C4orf51: variants seen among roughly 807,000 people sequenced by gnomAD.
C4orf51 encodes uncharacterized protein C4orf51.
Under a neutral mutation model 25.2 loss-of-function variants are expected in C4orf51, and 25 were observed. That is an observed-to-expected ratio of 0.99 (90% CI 0.72 to 1.39). The LOEUF (loss-of-function observed/expected upper bound fraction) is 1.39. Ranked by LOEUF, C4orf51 falls within the 40% of genes most tolerant of loss-of-function variation. The pLI, the probability that C4orf51 is intolerant of heterozygous loss-of-function variation, is 0.00. For missense variants in C4orf51, 252 were observed against 239.6 expected (o/e 1.05, Z -0.34); for synonymous variants, 100 against 84.5 (o/e 1.18, Z -1.01).
chr4:145,780,775 GT>G, the C4orf51 span, among the ~76,000 whole-genome samples: 1 of 152,204 alleles, frequency 6.6e-6, no homozygotes, highest in East Asian at 1.9e-4. Context: ...GACACACTAA[GT>G]TAATATCTTG....
intron 2 of C4orf51, among the ~76,000 whole-genome samples, chr4:145,716,426 T>C (rs537589771): frequency 1.4e-4 from 22 of 152,296 alleles, no homozygotes; most frequent in African/African-American, 5.1e-4. Context: ...AGCTCAGAAA[T>C]GGATTCCTTG....
intron 2 of C4orf51, among the ~76,000 whole-genome samples, chr4:145,704,967 C>G (rs1443228103): frequency 1.3e-5 from 2 of 152,186 alleles, no homozygotes; most frequent in Admixed American, 6.5e-5. Flanking sequence ...GCAGTTTGAC[C>G]TTTGGCTTAG....
At chr4:145,713,219 G>A (rs1176163336) in intron 2 of C4orf51, among the ~76,000 whole-genome samples, 2 of 152,166 alleles carry the variant, frequency 1.3e-5, no homozygotes, top group African/African-American at 2.4e-5. Context: ...GAGTAATTTC[G>A]ACTTTCAAGT....
intron 1 of C4orf51, among the ~76,000 whole-genome samples, chr4:145,749,077 ATATATATATG>A (rs1263290719): frequency 2.7e-5 from 4 of 148,634 alleles, no homozygotes; most frequent in Non-Finnish European, 6.0e-5. Context: ...ATATATATAT[ATATATATATG>A]TATATATATT....
At chr4:145,694,353 C>A (rs1205670237) in intron 1 of C4orf51, among the ~76,000 whole-genome samples, 17 of 149,602 alleles carry the variant, frequency 1.1e-4, no homozygotes, top group Admixed American at 3.3e-4. Flanking sequence ...CTCCTCACTG[C>A]CCCGTCCGGG....
chr4:145,773,643 GA>G (rs1736614622), downstream of C4orf51, among the ~76,000 whole-genome samples: 1 of 152,232 alleles, frequency 6.6e-6, no homozygotes, highest in South Asian at 2.1e-4. Flanking sequence ...ATTGCATGGT[GA>G]AGTCAGAATG....
At chr4:145,747,325 G>T (rs1014580075) in intron 1 of C4orf51, among the ~76,000 whole-genome samples, 1 of 150,972 alleles carries the variant, frequency 6.6e-6, no homozygotes, top group African/African-American at 2.4e-5. Flanking sequence ...GATACTAGCT[G>T]TGGATCTGTC....
intron 1 of C4orf51, among the ~76,000 whole-genome samples, chr4:145,747,572 C>T (rs1254494403): frequency 6.6e-6 from 1 of 152,008 alleles, no homozygotes; most frequent in Non-Finnish European, 1.5e-5. Flanking sequence ...GATGAATAAT[C>T]CTTTTAATGT....
At chr4:145,778,534 C>G in the C4orf51 span, among the ~76,000 whole-genome samples, 5 of 152,100 alleles carry the variant, frequency 3.3e-5, no homozygotes, top group Admixed American at 3.3e-4. Context: ...ATCACTTGAA[C>G]CCGGGAGGCA....
chr4:145,737,619 T>C (rs1732874306), downstream of C4orf51, among the ~76,000 whole-genome samples: 2 of 152,160 alleles, frequency 1.3e-5, no homozygotes, highest in African/African-American at 4.8e-5. Flanking sequence ...GAAGATATTT[T>C]GCTCTCTCTC....
chr4:145,769,113 C>T (rs913353490), intron 1 of C4orf51, among the ~76,000 whole-genome samples: 11 of 151,568 alleles, frequency 7.3e-5, no homozygotes, highest in African/African-American at 2.7e-4. Context: ...CCTGTCAGAA[C>T]TGCACTTAGG....
At chr4:145,713,941 C>T (rs1731265236) in intron 2 of C4orf51, among the ~76,000 whole-genome samples, 1 of 152,090 alleles carries the variant, frequency 6.6e-6, no homozygotes, top group Admixed American at 6.5e-5. Flanking sequence ...TGCCACCATG[C>T]CTGGCCAATT....
At chr4:145,775,663 TCAAATGAAGGC>T, downstream of C4orf51, 1 of 1,190,908 alleles carries the variant, frequency 8.4e-7, no homozygotes. Context: ...AAGAAATTAC[TCAAATGAAGGC>T]CAGGCTATGA....
intron 2 of C4orf51, among the ~76,000 whole-genome samples, chr4:145,703,299 T>C (rs1227300784): frequency 2.6e-5 from 4 of 151,956 alleles, no homozygotes; most frequent in Non-Finnish European, 5.9e-5. Flanking sequence ...CTGAGCACCT[T>C]GCGACCCCCA....
intron 1 of C4orf51, among the ~76,000 whole-genome samples, chr4:145,691,788 G>A (rs896716459): frequency 1.7e-4 from 19 of 112,986 alleles, no homozygotes; most frequent in African/African-American, 6.8e-4. Flanking sequence ...AGGGAAGGGA[G>A]CAAGGGTTGA....
At chr4:145,697,723 G>C (rs139604291) in intron 2 of C4orf51, among the ~76,000 whole-genome samples, 54 of 152,244 alleles carry the variant, frequency 3.5e-4, no homozygotes, top group African/African-American at 1.2e-3. Context: ...ATTTTCCATT[G>C]TATTATATAC....
At chr4:145,693,839 G>T (rs1729800034) in intron 1 of C4orf51, among the ~76,000 whole-genome samples, 1 of 107,894 alleles carries the variant, frequency 9.3e-6, no homozygotes, top group Non-Finnish European at 1.9e-5. Context: ...CGGGCGGGGG[G>T]GCTGACCCCC....
Position 145,732,623 on chromosome 4 carries a change from T to TG in C4orf51, c.*67dup, listed in dbSNP as rs1376619682. The TG allele has an allele frequency of 2.6e-6, 3 of 1,172,546 alleles. No homozygotes were observed. The highest frequency in any genetic ancestry group is 3.7e-6 in the Non-Finnish European group (3 of 811,756). 72.6% of individuals were successfully genotyped at this position (1,172,546 alleles called of 1,614,324 possible). A position where few individuals can be genotyped will look rare whatever the true frequency, so the allele number is the denominator to read the frequency against. On this transcript the variant is annotated 3_prime_UTR_variant, in exon 6 of 6. Transcript: ENST00000438731. The stretch of plus-strand genomic sequence containing the variant: ...TTGCTTAATAAACAACTTTGAGGTA[T>TG]GGGGCCCTCCCAACACCCTCCCCCC...
In C4orf51 at chr4:145,765,283, C is replaced by A; in HGVS notation, n.167-5705C>A. 6 of 1,146,740 alleles carry A rather than the reference C, an allele frequency of 5.2e-6. No homozygotes were observed. Among genetic ancestry groups the A allele is most frequent in the Non-Finnish European group, 6.0e-6 (5 of 831,012 alleles). 71.0% of individuals were successfully genotyped at this position (1,146,740 alleles called of 1,614,324 possible). A position where few individuals can be genotyped will look rare whatever the true frequency, so the allele number is the denominator to read the frequency against. On this transcript the variant is annotated intron_variant and non_coding_transcript_variant, in intron 1 of 1. Coordinates refer to the C4orf51 transcript ENST00000510096. The surrounding 1 kb of genome is among the most constrained non-coding windows in gnomAD (Gnocchi z 4.7). ...TCCTCCGACGCCTGACAGCTATACC[C>A]TTCCAGGCACTGTTCCCCATATCTC...
Sources: gnomAD v4.1 joint callset for allele counts (sites outside exome capture counted in the v4.1 genomes callset) on GRCh38, gnomAD v4.1.1 for gene constraint, Gnocchi (gnomAD v3.1) non-coding constraint, MANE v1.5 for transcripts, NCBI Gene and HGNC (gene_info 2026-07-23, HGNC 2026-07-21) for gene names.